RUNX2: variants seen among roughly 807,000 people sequenced by gnomAD.
RUNX2 encodes runt-related transcription factor 2.
A neutral mutation model predicts 51.7 loss-of-function variants in RUNX2; 10 were observed. The ratio of observed to expected loss-of-function variants is 0.19; its 90% CI spans 0.12 to 0.33. RUNX2 has a LOEUF of 0.33. Ranked by LOEUF, RUNX2 falls within the 10% of genes least tolerant of loss-of-function variation. RUNX2 has a pLI of 1.00. For synonymous variants in RUNX2, 276 were observed against 273.6 expected, an observed-to-expected ratio of 1.01 and a Z score of -0.09; for missense variants, 562 against 691.3, an observed-to-expected ratio of 0.81 and a Z score of 2.10.
chr6:45,419,088 G>T (rs917356216), intron 2 of RUNX2, among the ~76,000 whole-genome samples: 1 of 152,192 alleles, frequency 6.6e-6, no homozygotes, highest in African/African-American at 2.4e-5. Context: ...AGGAGGAAAA[G>T]TCCCCAAGGT....
intron 3 of RUNX2, among the ~76,000 whole-genome samples, chr6:45,426,361 G>C (rs1188990424): frequency 6.6e-6 from 1 of 152,142 alleles, no homozygotes; most frequent in Non-Finnish European, 1.5e-5. Context: ...TTCTATCCTA[G>C]ATAATTCTAG....
intron 2 of RUNX2, among the ~76,000 whole-genome samples, chr6:45,357,525 T>C (rs1031981246): frequency 6.6e-6 from 1 of 151,904 alleles, no homozygotes; most frequent in Non-Finnish European, 1.5e-5. Flanking sequence ...GCGTCTCAAG[T>C]ATGTTGCCCG....
intron 7 of RUNX2, among the ~76,000 whole-genome samples, chr6:45,530,658 G>A (rs1315673992): frequency 6.6e-6 from 1 of 152,184 alleles, no homozygotes; most frequent in Non-Finnish European, 1.5e-5. Flanking sequence ...ACAAACTGAG[G>A]ACTCCCCCAG....
chr6:45,399,574 A>G (rs1362677223), intron 2 of RUNX2, among the ~76,000 whole-genome samples: 2 of 151,502 alleles, frequency 1.3e-5, no homozygotes, highest in Non-Finnish European at 2.9e-5. Context: ...TGGTCAGGGT[A>G]GTCTTGAACT....
chr6:45,484,173 G>A (rs1049700089), intron 5 of RUNX2, among the ~76,000 whole-genome samples: 2 of 152,150 alleles, frequency 1.3e-5, no homozygotes, highest in African/African-American at 2.4e-5. Flanking sequence ...TGTTGTATTA[G>A]CCACAGGCCA....
intron 7 of RUNX2, among the ~76,000 whole-genome samples, chr6:45,543,293 A>C (rs1455710941): frequency 1.3e-5 from 2 of 152,216 alleles, no homozygotes; most frequent in African/African-American, 2.4e-5. Flanking sequence ...AGTGTTGGCT[A>C]TAGCACTCTC....
intron 7 of RUNX2, among the ~76,000 whole-genome samples, chr6:45,533,079 C>A (rs943714391): frequency 6.6e-6 from 1 of 151,620 alleles, no homozygotes; most frequent in African/African-American, 2.4e-5. Flanking sequence ...CCATTTGTGG[C>A]GAGTTTATTA....
intron 2 of RUNX2, among the ~76,000 whole-genome samples, chr6:45,378,447 G>A (rs1329570672): frequency 6.6e-6 from 1 of 152,168 alleles, no homozygotes; most frequent in Admixed American, 6.5e-5. Flanking sequence ...AACGCTCCCC[G>A]CAGGGCCGCA....
At chr6:45,473,138 T>C (rs1799854193) in intron 5 of RUNX2, among the ~76,000 whole-genome samples, 1 of 152,238 alleles carries the variant, frequency 6.6e-6, no homozygotes, top group Non-Finnish European at 1.5e-5. Flanking sequence ...GCATTTGTGT[T>C]GTTCAGCCTT....
chr6:45,537,313 T>C (rs1409174222), intron 7 of RUNX2, among the ~76,000 whole-genome samples: 1 of 152,168 alleles, frequency 6.6e-6, no homozygotes, highest in Non-Finnish European at 1.5e-5. Flanking sequence ...CAGGTAGCCA[T>C]GGCCAGGCTG....
chr6:45,436,134 A>C (rs192987115), intron 4 of RUNX2, among the ~76,000 whole-genome samples: 14 of 152,370 alleles, frequency 9.2e-5, no homozygotes, highest in African/African-American at 3.4e-4. Flanking sequence ...CACTTTAAAA[A>C]TAGATGCTTT....
intron 7 of RUNX2, among the ~76,000 whole-genome samples, chr6:45,522,453 C>T (rs1801535868): frequency 6.6e-6 from 1 of 152,108 alleles, no homozygotes; most frequent in Non-Finnish European, 1.5e-5. Flanking sequence ...AACAACAATC[C>T]CATTCAGCTC....
At chr6:45,526,324 C>A (rs1399874603) in intron 7 of RUNX2, among the ~76,000 whole-genome samples, 1 of 152,002 alleles carries the variant, frequency 6.6e-6, no homozygotes, top group Non-Finnish European at 1.5e-5. Context: ...TCTCTCATAC[C>A]CTTGCATGGT....
intron 2 of RUNX2, among the ~76,000 whole-genome samples, chr6:45,379,083 C>T (rs562503687): frequency 6.6e-6 from 1 of 152,284 alleles, no homozygotes; most frequent in African/African-American, 2.4e-5. Context: ...AAAATAGCAA[C>T]TTATTTGGTT....
rs1802498812 is a variant in RUNX2, at chr6:45,549,354, G to A, written c.*2049G>A. On this transcript the variant is annotated 3_prime_UTR_variant, in exon 9 of 9. Transcript: ENST00000647337. ...AGGCCACCCAGCATTGCAGGACAGC[G>A]TGTGGGGCAGCTGGACCTGTGCTTC... 7 of 398,426 alleles carry A rather than the reference G, an allele frequency of 1.8e-5. No homozygotes were observed. The highest frequency in any genetic ancestry group is 7.1e-5 in the East Asian group (2 of 28,076). 24.7% of individuals were successfully genotyped at this position (398,426 alleles called of 1,614,324 possible). A position where few individuals can be genotyped will look rare whatever the true frequency, so the allele number is the denominator to read the frequency against.
intron 2 of RUNX2, among the ~76,000 whole-genome samples, chr6:45,330,070 A>G (rs149707053): frequency 1.3e-5 from 2 of 151,994 alleles, no homozygotes; most frequent in East Asian, 3.9e-4. Flanking sequence ...CTGAAGGGAG[A>G]AAAAATGGTT....
At chr6:45,528,042 G>A (rs920991313) in intron 7 of RUNX2, among the ~76,000 whole-genome samples, 11 of 152,254 alleles carry the variant, frequency 7.2e-5, no homozygotes, top group African/African-American at 2.4e-4. Flanking sequence ...ATCTTACATG[G>A]TGGCAGGCAA....
At chr6:45,466,364 G>A (rs767579125) in intron 5 of RUNX2, among the ~76,000 whole-genome samples, 1 of 151,952 alleles carries the variant, frequency 6.6e-6, no homozygotes, top group African/African-American at 2.4e-5. Flanking sequence ...AAGTATTTAC[G>A]ATAACCCTCT....
chr6:45,498,856 A>G (rs1398911430), intron 6 of RUNX2, among the ~76,000 whole-genome samples: 1 of 152,250 alleles, frequency 6.6e-6, no homozygotes, highest in African/African-American at 2.4e-5. Flanking sequence ...CAGAAAGCAC[A>G]GCTGAGTTGC....
Sources: allele counts gnomAD v4.1 joint callset (sites outside exome capture counted in the v4.1 genomes callset), GRCh38; gene constraint gnomAD v4.1.1; transcripts MANE v1.5; gene names NCBI Gene and HGNC (gene_info 2026-07-23, HGNC 2026-07-21).